The following CDH10 variants were observed in gnomAD, a reference collection of about 807,000 sequenced individuals.
The protein encoded by CDH10 is cadherin 10.
Under a neutral mutation model 73.1 loss-of-function variants are expected in CDH10, and 30 were observed. The observed-to-expected ratio is 0.41, with a 90% confidence interval of 0.31 to 0.56. CDH10 has a LOEUF of 0.56. CDH10 is among the 20% of genes least tolerant of loss of function. CDH10 has a pLI of 0.27. For missense variants in CDH10, 815 were observed against 973.7 expected (o/e 0.84, Z 2.17); for synonymous variants, 345 against 348.2 (o/e 0.99, Z 0.10).
At chr5:24,537,270 A>C in intron 3 of CDH10, 110 bp downstream of exon 3, 1 of 721,338 alleles carries the variant, frequency 1.4e-6, no homozygotes, top group Non-Finnish European at 2.3e-6. Context: ...ATATGTACTC[A>C]TGGTAGCAAA....
intron 1 of CDH10, among the ~76,000 whole-genome samples, chr5:24,631,213 T>C (rs1747694081): frequency 6.6e-6 from 1 of 152,132 alleles, no homozygotes; most frequent in African/African-American, 2.4e-5. Flanking sequence ...ACACTGTATG[T>C]CATCAACTTT....
intron 3 of CDH10, among the ~76,000 whole-genome samples, 165 bp downstream of exon 3, chr5:24,537,215 T>C (rs58553145): frequency 0.01 from 1,593 of 151,888 alleles, 23 homozygotes; most frequent in African/African-American, 0.037. Flanking sequence ...TAAATTGCAT[T>C]GATCTTTTTT....
chr5:24,633,218 TA>T (rs1365513058), intron 1 of CDH10, among the ~76,000 whole-genome samples: 1 of 151,790 alleles, frequency 6.6e-6, no homozygotes, highest in Non-Finnish European at 1.5e-5. Flanking sequence ...ATAATTGTAT[TA>T]TTTTCTTTTT....
intron 1 of CDH10, among the ~76,000 whole-genome samples, chr5:24,595,870 TG>T (rs1490296811): frequency 6.6e-6 from 1 of 151,834 alleles, no homozygotes; most frequent in Admixed American, 6.6e-5. Context: ...AAAGAGTAGG[TG>T]GGGACTATAG....
intron 2 of CDH10, among the ~76,000 whole-genome samples, chr5:24,567,512 A>G (rs1463198157): frequency 6.6e-6 from 1 of 151,886 alleles, no homozygotes; most frequent in African/African-American, 2.4e-5. Flanking sequence ...AAGATCCTCA[A>G]AAAATACGCT....
At chr5:24,594,190 T>A (rs1355796222) in intron 1 of CDH10, among the ~76,000 whole-genome samples, 2 of 151,936 alleles carry the variant, frequency 1.3e-5, no homozygotes, top group Non-Finnish European at 2.9e-5. Context: ...TAGGTTAGCC[T>A]GGGGAACACC....
intron 9 of CDH10, among the ~76,000 whole-genome samples, chr5:24,495,793 A>T (rs1742258705): frequency 6.6e-6 from 1 of 151,538 alleles, no homozygotes; most frequent in African/African-American, 2.4e-5. Context: ...CGGAGGTTGC[A>T]GTGAGCCGAG....
intron 5 of CDH10, among the ~76,000 whole-genome samples, chr5:24,524,370 C>A (rs1196182299): frequency 6.6e-6 from 1 of 152,046 alleles, no homozygotes; most frequent in African/African-American, 2.4e-5. Context: ...GGGTGTTTGA[C>A]ATTTCGGGCA....
At chr5:24,619,782 G>A (rs1169609310) in intron 1 of CDH10, among the ~76,000 whole-genome samples, 1 of 152,098 alleles carries the variant, frequency 6.6e-6, no homozygotes, top group Non-Finnish European at 1.5e-5. Context: ...ACTCATAAAA[G>A]GGACCCCAGA....
chr5:24,591,618 T>C (rs1026097689), intron 2 of CDH10, among the ~76,000 whole-genome samples: 4 of 151,898 alleles, frequency 2.6e-5, no homozygotes, highest in Non-Finnish European at 4.4e-5. Flanking sequence ...AAGAGCCAAA[T>C]GCCACCAGAT....
chr5:24,587,794 G>T (rs1412608658), intron 2 of CDH10, among the ~76,000 whole-genome samples: 2 of 152,084 alleles, frequency 1.3e-5, no homozygotes, highest in Admixed American at 6.6e-5. Context: ...TTATGACAGA[G>T]AATTTTGAGT....
In CDH10 at chr5:24,572,149, G is replaced by GA. The variant is rs1310796996; in HGVS notation, c.231+21110dup. On this transcript the variant is annotated intron_variant, in intron 2 of 11. Transcript: ENST00000264463. ...ATATTATCTTGGAGCTCTGTCTGAA[G>GA]AAGAAATCAAAATTAACCTGGAACT... 3.3e-5 allele frequency among the ~76,000 whole-genome samples: 5 copies of GA among 152,048 alleles called. No homozygotes were observed. In the East Asian group the frequency reaches 5.8e-4, roughly 18 times the overall value.
intron 5 of CDH10, among the ~76,000 whole-genome samples, chr5:24,515,033 C>G (rs376355668): frequency 2.0e-5 from 3 of 151,942 alleles, no homozygotes; most frequent in Non-Finnish European, 4.4e-5. Context: ...CTGACCATGC[C>G]ACAATTAAGT....
chr5:24,530,020 T>TC (rs371734918), intron 5 of CDH10, among the ~76,000 whole-genome samples: 19 of 145,306 alleles, frequency 1.3e-4, no homozygotes, highest in Non-Finnish European at 2.7e-4. Flanking sequence ...TTTTTACTTT[T>TC]TTTTTTTTTT....
At chr5:24,642,519 CAGAA>C (rs1748086237) in intron 1 of CDH10, among the ~76,000 whole-genome samples, 1 of 152,078 alleles carries the variant, frequency 6.6e-6, no homozygotes, top group Non-Finnish European at 1.5e-5. Flanking sequence ...AATAACGTGT[CAGAA>C]ATATCACTCT....
At chr5:24,562,742 A>C (rs1745004452) in intron 2 of CDH10, among the ~76,000 whole-genome samples, 1 of 152,210 alleles carries the variant, frequency 6.6e-6, no homozygotes, top group Non-Finnish European at 1.5e-5. Context: ...CTAACACTAG[A>C]GATCCTAACC....
chr5:24,525,016 C>A (rs1298303736), intron 5 of CDH10, among the ~76,000 whole-genome samples: 9 of 152,026 alleles, frequency 5.9e-5, no homozygotes, highest in Middle Eastern at 3.4e-3. Context: ...AATTTGTGTA[C>A]AAGAGTTAAA....
chr5:24,560,380 C>T (rs1744917301), intron 2 of CDH10, among the ~76,000 whole-genome samples: 1 of 152,060 alleles, frequency 6.6e-6, no homozygotes, highest in Non-Finnish European at 1.5e-5. Flanking sequence ...GTAATTACAA[C>T]TTACACTGAC....
intron 2 of CDH10, among the ~76,000 whole-genome samples, chr5:24,563,819 T>C (rs1181502179): frequency 2.7e-5 from 4 of 149,600 alleles, no homozygotes; most frequent in Non-Finnish European, 5.9e-5. Flanking sequence ...ACTATGTAAA[T>C]ATCCCACTCT....
Sources: allele counts gnomAD v4.1 joint callset (sites outside exome capture counted in the v4.1 genomes callset), GRCh38; gene constraint gnomAD v4.1.1; transcripts MANE v1.5; gene names NCBI Gene and HGNC (gene_info 2026-07-23, HGNC 2026-07-21).